Variants in TMCO4 observed in about 807,000 individuals in gnomAD.
The protein encoded by TMCO4 is transmembrane and coiled-coil domain-containing protein 4.
In TMCO4, 58 loss-of-function variants were observed where a neutral mutation model predicts 64.7. The observed-to-expected ratio is 0.90, with a 90% CI of 0.73 to 1.12. TMCO4 has a LOEUF of 1.12. Among genes scored for constraint, TMCO4 ranks in the 50% most tolerant of loss-of-function variants. The pLI is 0.00. For synonymous variants in TMCO4, 325 were observed against 346.1 expected (o/e 0.94, Z 0.68); for missense variants, 780 against 825.9 (o/e 0.94, Z 0.68).
chr1:19,724,368 AC>A (rs2095399596), intron 13 of TMCO4, among the ~76,000 whole-genome samples: 1 of 152,236 alleles, frequency 6.6e-6, no homozygotes, highest in African/African-American at 2.4e-5. Context: ...ACCCAGGTTC[AC>A]TATTTGTAAA....
intron 7 of TMCO4, among the ~76,000 whole-genome samples, chr1:19,751,828 C>A (rs991624822): frequency 1.3e-5 from 2 of 152,048 alleles, no homozygotes; most frequent in African/African-American, 4.8e-5. Flanking sequence ...GCGGGTGGAT[C>A]ACGAGGTCAG....
At chr1:19,696,586 T>C (rs1433127568) in intron 14 of TMCO4, among the ~76,000 whole-genome samples, 1 of 147,182 alleles carries the variant, frequency 6.8e-6, no homozygotes, top group Non-Finnish European at 1.5e-5. Flanking sequence ...ATAAAAAAAA[T>C]TAAAAAAAAA....
At chr1:19,688,250 G>C (rs1032459729) in intron 15 of TMCO4, among the ~76,000 whole-genome samples, 4 of 152,170 alleles carry the variant, frequency 2.6e-5, no homozygotes, top group Non-Finnish European at 5.9e-5. Context: ...ACTGAGCGCA[G>C]GGGAGCAGAG....
At chr1:19,727,739 A>T (rs2095414634) in intron 13 of TMCO4, among the ~76,000 whole-genome samples, 1 of 152,238 alleles carries the variant, frequency 6.6e-6, no homozygotes, top group Admixed American at 6.5e-5. Flanking sequence ...AAATCGTGTT[A>T]AAGATACATA....
intron 4 of TMCO4, among the ~76,000 whole-genome samples, chr1:19,778,203 G>C (rs2043298013): frequency 6.6e-6 from 1 of 152,054 alleles, no homozygotes; most frequent in Admixed American, 6.5e-5. Context: ...CTATGTGCTA[G>C]GCACTGTGCT....
At chr1:19,711,816 C>A (rs1432348311) in intron 13 of TMCO4, among the ~76,000 whole-genome samples, 4 of 152,186 alleles carry the variant, frequency 2.6e-5, no homozygotes, top group African/African-American at 9.6e-5. Context: ...CGCCACCATG[C>A]CTGGCTAATT....
intron 13 of TMCO4, among the ~76,000 whole-genome samples, chr1:19,702,314 C>T (rs1229987580): frequency 1.4e-5 from 2 of 144,282 alleles, no homozygotes; most frequent in South Asian, 2.2e-4. Context: ...AGTCAGGGCC[C>T]GGCACAGTCG....
chr1:19,761,974 A>C (rs765316193), intron 6 of TMCO4, among the ~76,000 whole-genome samples: 7 of 152,200 alleles, frequency 4.6e-5, no homozygotes, highest in Non-Finnish European at 7.3e-5. Flanking sequence ...GTGATTGCTG[A>C]TCCTCCCAAT....
intron 15 of TMCO4, among the ~76,000 whole-genome samples, chr1:19,685,602 G>T (rs1274172635): frequency 6.6e-6 from 1 of 152,030 alleles, no homozygotes; most frequent in Non-Finnish European, 1.5e-5. Flanking sequence ...TTTGCTAGGT[G>T]TCGGCTGCTC....
At chr1:19,794,762 T>C (rs752180051) in intron 2 of TMCO4, among the ~76,000 whole-genome samples, 1 of 152,206 alleles carries the variant, frequency 6.6e-6, no homozygotes, top group South Asian at 2.1e-4. Flanking sequence ...CATCTACAGA[T>C]GAATAGATCA....
intron 13 of TMCO4, among the ~76,000 whole-genome samples, chr1:19,718,545 T>G (rs1312004280): frequency 1.4e-5 from 2 of 146,056 alleles, no homozygotes; most frequent in African/African-American, 5.1e-5. Flanking sequence ...CCCAGCTATT[T>G]GGGAGGCTGC....
chr1:19,712,984 G>C (rs548828243), intron 13 of TMCO4, among the ~76,000 whole-genome samples: 1 of 152,214 alleles, frequency 6.6e-6, no homozygotes, highest in African/African-American at 2.4e-5. Flanking sequence ...AGCTTTGCTC[G>C]GTGGGGTCTC....
chr1:19,740,661 T>C, intron 11 of TMCO4, 116 bp downstream of exon 11: 1 of 1,210,218 alleles, frequency 8.3e-7, no homozygotes. Flanking sequence ...TCTGTGTTCC[T>C]AGGGTCCAGC....
chr1:19,718,354 A>ATAAATAAG (rs1389037705), intron 13 of TMCO4, among the ~76,000 whole-genome samples: 1 of 151,224 alleles, frequency 6.6e-6, no homozygotes, highest in Admixed American at 6.6e-5. Context: ...AAATAAATAA[A>ATAAATAAG]TAATAAAAAT....
chr1:19,759,263 T>C (rs752054496), intron 6 of TMCO4, among the ~76,000 whole-genome samples: 1 of 151,976 alleles, frequency 6.6e-6, no homozygotes, highest in African/African-American at 2.4e-5. Context: ...GTTTGACCAC[T>C]TCACTCCTTC....
At chr1:19,786,063 G>A (rs1487605461) in intron 3 of TMCO4, among the ~76,000 whole-genome samples, 1 of 152,176 alleles carries the variant, frequency 6.6e-6, no homozygotes, top group African/African-American at 2.4e-5. Context: ...AACAAAGTGA[G>A]ACCCTGTCTT....
chr1:19,727,418 A>C (rs974569944), intron 13 of TMCO4, among the ~76,000 whole-genome samples: 2 of 152,138 alleles, frequency 1.3e-5, no homozygotes, highest in Non-Finnish European at 2.9e-5. Flanking sequence ...AACCCAACTC[A>C]TGTCTTTGGA....
rs72967418 is a variant in TMCO4, at chr1:19,764,830, G to A, written c.382+5712C>T. 9.6e-3 allele frequency among the ~76,000 whole-genome samples: 1,084 copies of A among 112,908 alleles called. 13 individuals carry two copies. Among genetic ancestry groups the A allele is most frequent in the African/African-American group, 0.036 (1,023 of 28,522 alleles). The allele number at this position is 112,908 out of a possible 152,430, so 74.1% of individuals were successfully genotyped here. ...AGATTGCGCCATTGCACTCAAGAGT[G>A]AAACTCTGTCTCAAAAAAAAAAAAA... On this transcript the variant is annotated intron_variant, in intron 6 of 15. Transcript: ENST00000294543.
In TMCO4 at chr1:19,683,146, G is replaced by A; in HGVS notation, c.1799C>T (p.Ala600Val). The A allele has an allele frequency of 6.2e-7, 1 of 1,614,122 alleles. No homozygotes were observed. Among genetic ancestry groups the A allele is most frequent in the South Asian group, 1.1e-5 (1 of 91,082 alleles). ...GCAGATGGGGGGCCTTTCAGGGCTG[G>A]CAGCAGCAGGAAGGGAGGCCCCTTC... Reference protein sequence around the residue: ...QSEGASLPAAASPERPPICSH... With the variant: ...QSEGASLPAAVSPERPPICSH... Residue 600 changes from alanine to valine, a missense_variant, in exon 16 of 16, where the codon GCC becomes GTC. Physicochemically the swap from Ala to Val is moderately conservative, Grantham distance 64. Transcript: ENST00000294543.
Sources: allele counts gnomAD v4.1 joint callset (sites outside exome capture counted in the v4.1 genomes callset), GRCh38; gene constraint gnomAD v4.1.1; transcripts MANE v1.5; gene names NCBI Gene and HGNC (gene_info 2026-07-23, HGNC 2026-07-21).